The following ARMH4 variants were observed in gnomAD, a reference collection of about 807,000 sequenced individuals.
The protein encoded by ARMH4 is armadillo-like helical domain-containing protein 4.
A neutral mutation model predicts 61.9 loss-of-function variants in ARMH4; 49 were observed. The observed-to-expected ratio is 0.79, with a 90% confidence interval of 0.63 to 1.00. The LOEUF (loss-of-function observed/expected upper bound fraction) is 1.00, where lower values mean the gene tolerates loss of function less well. ARMH4 is among the 50% of genes least tolerant of loss of function. The pLI is 0.00. For missense variants in ARMH4, 934 were observed against 930.0 expected, an observed-to-expected ratio of 1.00 and a Z score of -0.06; for synonymous variants, 368 against 341.5, an observed-to-expected ratio of 1.08 and a Z score of -0.85.
chr14:58,081,943 G>A (rs1444001875), intron 5 of ARMH4, among the ~76,000 whole-genome samples: 7 of 149,858 alleles, frequency 4.7e-5, no homozygotes, highest in Admixed American at 6.6e-5. Context: ...AACCTGGGAA[G>A]GGAAAAAAAA....
chr14:58,076,099 G>C (rs980993955), intron 5 of ARMH4, among the ~76,000 whole-genome samples: 2 of 140,424 alleles, frequency 1.4e-5, no homozygotes, highest in Non-Finnish European at 3.1e-5. Flanking sequence ...AAGGGGAGGG[G>C]AAGGGGGAGG....
At chr14:58,008,094 C>T (rs1882250639) in intron 6 of ARMH4, among the ~76,000 whole-genome samples, 1 of 152,048 alleles carries the variant, frequency 6.6e-6, no homozygotes, top group African/African-American at 2.4e-5. Flanking sequence ...AATATGAATG[C>T]CAGATTCCAT....
At chr14:58,007,293 T>C (rs1483895451) in intron 6 of ARMH4, among the ~76,000 whole-genome samples, 1 of 152,246 alleles carries the variant, frequency 6.6e-6, no homozygotes, top group Non-Finnish European at 1.5e-5. Context: ...CTGCATTTCT[T>C]ATTGACACAC....
intron 4 of ARMH4, among the ~76,000 whole-genome samples, chr14:58,121,553 A>T (rs1319201813): frequency 6.6e-6 from 1 of 152,246 alleles, no homozygotes; most frequent in African/African-American, 2.4e-5. Context: ...GATTTTAAAT[A>T]TTTTTGAAAT....
At chr14:58,130,358 C>G (rs1426554847) in intron 4 of ARMH4, among the ~76,000 whole-genome samples, 1 of 152,200 alleles carries the variant, frequency 6.6e-6, no homozygotes, top group Non-Finnish European at 1.5e-5. Context: ...CCCAGAAAGT[C>G]TGCACCAGAG....
At chr14:58,020,670 T>C (rs556451236) in intron 5 of ARMH4, among the ~76,000 whole-genome samples, 1 of 152,200 alleles carries the variant, frequency 6.6e-6, no homozygotes, top group Non-Finnish European at 1.5e-5. Flanking sequence ...CTTAGTTCCA[T>C]GTTCGCCAAG....
chr14:58,137,868 T>A, intron 2 of ARMH4, 122 bp downstream of exon 2: 5 of 987,588 alleles, frequency 5.1e-6, no homozygotes, highest in Non-Finnish European at 7.2e-6. Flanking sequence ...ATTATAGGCA[T>A]GAGCTGCTGC....
intron 5 of ARMH4, among the ~76,000 whole-genome samples, chr14:58,045,204 A>C (rs1178613140): frequency 6.6e-6 from 1 of 152,224 alleles, no homozygotes; most frequent in Non-Finnish European, 1.5e-5. Flanking sequence ...AAAGACCTGG[A>C]ACCAACCCAA....
At chr14:58,052,426 TA>T (rs1208709736) in intron 5 of ARMH4, among the ~76,000 whole-genome samples, 4 of 152,148 alleles carry the variant, frequency 2.6e-5, no homozygotes, top group Non-Finnish European at 5.9e-5. Flanking sequence ...GGGAACATTC[TA>T]AAAATACTAG....
intron 4 of ARMH4, among the ~76,000 whole-genome samples, chr14:58,104,427 T>C (rs75283708): frequency 2.0e-5 from 3 of 152,194 alleles, no homozygotes; most frequent in East Asian, 3.9e-4. Flanking sequence ...AAGACAGTCA[T>C]AGAAAAAGAA....
chr14:58,063,110 G>C (rs1213331583), intron 5 of ARMH4, among the ~76,000 whole-genome samples: 1 of 152,114 alleles, frequency 6.6e-6, no homozygotes, highest in East Asian at 1.9e-4. Flanking sequence ...TCTCTTCCTG[G>C]CTCTGGCAGC....
chr14:58,122,962 T>A (rs1320857135), intron 4 of ARMH4, among the ~76,000 whole-genome samples: 1 of 152,074 alleles, frequency 6.6e-6, no homozygotes, highest in Non-Finnish European at 1.5e-5. Flanking sequence ...GCTTCACCAT[T>A]GAGGGCCAGG....
intron 4 of ARMH4, among the ~76,000 whole-genome samples, chr14:58,119,919 T>G (rs1886667047): frequency 6.6e-6 from 1 of 152,214 alleles, no homozygotes; most frequent in African/African-American, 2.4e-5. Context: ...TTTTCCATAT[T>G]GTTAGGTTTG....
At position 58,014,577 on chromosome 14, in the gene ARMH4, G is replaced by C. The variant is rs144007169; in HGVS notation, c.2090-2427C>G. On this transcript the variant is annotated intron_variant, in intron 5 of 7. Coordinates refer to ENST00000267485, the MANE Select transcript of ARMH4 (RefSeq NM_001001872.4). Reference sequence around the variant, plus strand: ...GGGAAGAAAGGTAAGTAAAATACGAGTATTTTGTAAATACGTCTCATTTAA... The same window carrying C: ...GGGAAGAAAGGTAAGTAAAATACGACTATTTTGTAAATACGTCTCATTTAA... Among the ~76,000 whole-genome samples the C allele has an allele frequency of 2.3e-4, 35 of 152,190 alleles. No individual in the cohort carries two copies. In the East Asian group the frequency reaches 6.0e-3, roughly 26 times the overall value.
chr14:58,056,254 C>T (rs1160778155), intron 5 of ARMH4, among the ~76,000 whole-genome samples: 1 of 152,176 alleles, frequency 6.6e-6, no homozygotes, highest in African/African-American at 2.4e-5. Flanking sequence ...CTGCTTCATT[C>T]CCAAAGAAAA....
At chr14:58,038,324 T>G in intron 5 of ARMH4, among the ~76,000 whole-genome samples, 1 of 100,412 alleles carries the variant, frequency 1.0e-5, no homozygotes, top group Admixed American at 1.0e-4. Context: ...ACACCGCATA[T>G]TCTCACTCAT....
rs919658921 is a variant in ARMH4 at position 58,139,132 on chromosome 14, A to T, written c.227T>A (p.Met76Lys). Residue 76 changes from methionine to lysine, a missense_variant, in exon 2 of 8, where the codon ATG (methionine) becomes AAG (lysine). Coordinates refer to ENST00000267485, the MANE Select transcript of ARMH4 (RefSeq NM_001001872.4). ...PQLVVSEDPM[M>K]MSAVPSATSL... ...TGTTGCCGATGGTACTGCTGACATCATCATTGGATCTTCAGAGACCACCAG... is the reference window on the plus strand; with the variant it reads ...TGTTGCCGATGGTACTGCTGACATCTTCATTGGATCTTCAGAGACCACCAG... 4 of 1,614,240 alleles carry T rather than the reference A, an allele frequency of 2.5e-6. No homozygotes were observed. Among genetic ancestry groups the T allele is most frequent in the Non-Finnish European group, 3.4e-6 (4 of 1,180,040 alleles).
rs766503927 is a variant in ARMH4 at position 58,138,278 on chromosome 14, C to G, written c.1081G>C (p.Glu361Gln). The part of the protein sequence containing the change: ...EGMEGGQPWT[E>Q]AAQVALGLPE... Reference sequence around the variant, plus strand: ...AGCCCCAGAGCCACCTGTGCAGCCTCTGTCCAAGGCTGGCCTCCTTCCATA... The same window carrying G: ...AGCCCCAGAGCCACCTGTGCAGCCTGTGTCCAAGGCTGGCCTCCTTCCATA... The change falls in exon 2 of 8, where the codon GAG becomes CAG. Residue 361 changes from glutamate (E) to glutamine (Q), a missense_variant. Transcript: ENST00000267485. 4 of 1,614,236 alleles carry G rather than the reference C, an allele frequency of 2.5e-6. No homozygotes were observed. The highest frequency in any genetic ancestry group is 3.4e-6 in the Non-Finnish European group (4 of 1,180,046).
chr14:58,146,023 A>C (rs1887722512), intron 1 of ARMH4, among the ~76,000 whole-genome samples: 1 of 152,258 alleles, frequency 6.6e-6, no homozygotes, highest in Non-Finnish European at 1.5e-5. Flanking sequence ...CTCAAGAATA[A>C]ACGAGAAGAC....
Sources: gnomAD v4.1 joint callset for allele counts (sites outside exome capture counted in the v4.1 genomes callset) on GRCh38, gnomAD v4.1.1 for gene constraint, MANE v1.5 for transcripts, NCBI Gene and HGNC (gene_info 2026-07-23, HGNC 2026-07-21) for gene names.